Variants in MPPE1 observed in about 807,000 individuals in gnomAD.
MPPE1 encodes the protein metallo phosphoesterase.
Under a neutral mutation model 43.8 loss-of-function variants are expected in MPPE1, and 28 were observed. The observed-to-expected ratio is 0.64, with a 90% CI of 0.47 to 0.88. The LOEUF (loss-of-function observed/expected upper bound fraction) is 0.88, where lower values mean the gene tolerates loss of function less well. MPPE1 is among the 40% of genes least tolerant of loss of function. The pLI is 0.00. For synonymous variants in MPPE1, 159 were observed against 188.5 expected (o/e 0.84, Z 1.28); for missense variants, 428 against 492.2 (o/e 0.87, Z 1.23).
In MPPE1 at chr18:11,884,554, T is replaced by C. The variant is rs147275956; in HGVS notation, c.1082A>G (p.Tyr361Cys). ...CACAAGGAAGCCCACCACTCCACAGTAGATGATCAAAACCACATCCTCACG... is the reference window on the plus strand; with the variant it reads ...CACAAGGAAGCCCACCACTCCACAGCAGATGATCAAAACCACATCCTCACG... ...LPREDVVLII[Y>C]CGVVGFLVVL... Residue 361 changes from tyrosine (Y) to cysteine (C), a missense_variant, in exon 11 of 11, where the codon TAC becomes TGC. By Grantham distance (194) the Tyr-to-Cys change is radical. Around this residue, in one of 3 missense-constraint regions of MPPE1, gnomAD observed 379 missense variants for 402.5 expected, o/e 0.94. Transcript: ENST00000588072. The C allele has an allele frequency of 3.7e-6, 6 of 1,614,010 alleles. No homozygotes were observed. The highest frequency in any genetic ancestry group is 2.2e-5 in the East Asian group (1 of 44,880).
rs114211321 is a variant in MPPE1, at chr18:11,894,984, A to G, written c.282-1408T>C. ...GTAAAGCATGGCACAGGCACACAGCAGGTGCTCAAAAATGTCAGTGTTTGC... is the reference window on the plus strand; with the variant it reads ...GTAAAGCATGGCACAGGCACACAGCGGGTGCTCAAAAATGTCAGTGTTTGC... On this transcript the variant is annotated intron_variant, in intron 3 of 10. Coordinates refer to ENST00000588072, the MANE Select transcript of MPPE1 (RefSeq NM_023075.6). Among the ~76,000 whole-genome samples the G allele has an allele frequency of 3.5e-3, 539 of 152,348 alleles. 3 individuals are homozygous for G. Among genetic ancestry groups the G allele is most frequent in the African/African-American group, 0.012 (503 of 41,572 alleles).
intron 2 of MPPE1, among the ~76,000 whole-genome samples, chr18:11,897,906 T>C (rs1034763286): frequency 3.3e-5 from 5 of 152,198 alleles, no homozygotes; most frequent in Non-Finnish European, 5.9e-5. Context: ...GGCCAGGATC[T>C]GACAGTGAAA....
intron 2 of MPPE1, chr18:11,905,122 C>G (rs1412701035): frequency 6.6e-6 from 1 of 152,234 alleles, no homozygotes; most frequent in Non-Finnish European, 1.5e-5. Context: ...TCCTGGCCAA[C>G]ATGGCAAAAC....
intron 3 of MPPE1, among the ~76,000 whole-genome samples, chr18:11,893,849 C>A (rs1043374164): frequency 3.9e-5 from 6 of 152,138 alleles, no homozygotes; most frequent in African/African-American, 1.4e-4. Context: ...ACCCTGCAGC[C>A]ATCACTCGGT....
Position 11,888,996 on chromosome 18 carries a change from TG to T in MPPE1, c.495-254del, listed in dbSNP as rs142341103. Reference sequence around the variant, plus strand: ...TACCGTAGGTAAAACAACAGGACCATGGTAAAGATTAATGTGTTAATATATG... The same window carrying T: ...TACCGTAGGTAAAACAACAGGACCATGTAAAGATTAATGTGTTAATATATG... On this transcript the variant is annotated intron_variant, in intron 5 of 10. Transcript: ENST00000588072. Among the ~76,000 whole-genome samples the T allele has an allele frequency of 2.0e-4, 30 of 152,254 alleles. No individual in the cohort carries two copies. In the East Asian group the frequency reaches 5.6e-3, roughly 28 times the overall value.
intron 2 of MPPE1, among the ~76,000 whole-genome samples, chr18:11,900,894 A>C (rs981132597): frequency 2.0e-5 from 3 of 147,976 alleles, no homozygotes; most frequent in Non-Finnish European, 3.0e-5. Context: ...GCGACAGAGC[A>C]AGACTCCGTC....
intron 2 of MPPE1, among the ~76,000 whole-genome samples, chr18:11,901,732 G>C (rs998027153): frequency 1.3e-5 from 2 of 152,036 alleles, no homozygotes; most frequent in African/African-American, 2.4e-5. Context: ...CCAGCTACTA[G>C]GGAGGCTGAG....
chr18:11,885,397 A>G (rs998276372), intron 10 of MPPE1: 19 of 427,946 alleles, frequency 4.4e-5, no homozygotes, highest in Non-Finnish European at 7.1e-5. Context: ...AAACACACAC[A>G]GAGTGTAAGA....
intron 4 of MPPE1, among the ~76,000 whole-genome samples, chr18:11,892,723 C>T (rs757926077): frequency 8.6e-5 from 13 of 151,682 alleles, no homozygotes; most frequent in South Asian, 2.1e-4. Context: ...GCTGGTACTA[C>T]GGGCATGTGA....
intron 2 of MPPE1, among the ~76,000 whole-genome samples, chr18:11,899,810 T>C (rs564094542): frequency 6.6e-6 from 1 of 152,290 alleles, no homozygotes; most frequent in South Asian, 2.1e-4. Flanking sequence ...GAACTTCATG[T>C]CACACGTAGG....
At chr18:11,889,573 G>C in intron 4 of MPPE1, 83 bp from the exon 5 acceptor site, 1 of 1,087,102 alleles carries the variant, frequency 9.2e-7, no homozygotes, top group Non-Finnish European at 1.3e-6. Context: ...ATTTTGTTTT[G>C]CTTTTTTTTG....
chr18:11,901,582 C>T (rs1475072506), intron 2 of MPPE1, among the ~76,000 whole-genome samples: 2 of 151,580 alleles, frequency 1.3e-5, no homozygotes, highest in Non-Finnish European at 2.9e-5. Context: ...GGCTCACAGC[C>T]GTAATCCCAG....
chr18:11,885,128 T>C lies in MPPE1; in HGVS notation c.1009-501A>G. The stretch of plus-strand genomic sequence containing the variant: ...GGAACAACAGTGGCAAATGTTTTCA[T>C]TTACTTTGAATTTGAAAATGTTAGG... On this transcript the variant is annotated intron_variant, in intron 10 of 10. Coordinates refer to ENST00000588072, the MANE Select transcript of MPPE1 (RefSeq NM_023075.6). The C allele has an allele frequency of 4.7e-6, 5 of 1,053,490 alleles. 1 individual carries two copies. The South Asian group carries it at 6.2e-5, about 13-fold the overall frequency. 65.3% of individuals were successfully genotyped at this position (1,053,490 alleles called of 1,614,324 possible).
intron 2 of MPPE1, among the ~76,000 whole-genome samples, chr18:11,903,533 A>G (rs184646847): frequency 0.013 from 1,918 of 152,206 alleles, 22 homozygotes; most frequent in Non-Finnish European, 0.02. Flanking sequence ...TTGGCTGGGC[A>G]CGGTGGCTCA....
chr18:11,888,559 C>T (rs1372857439), intron 6 of MPPE1, 110 bp downstream of exon 6: 1 of 664,062 alleles, frequency 1.5e-6, no homozygotes, highest in East Asian at 3.0e-5. Context: ...GATCATAAAC[C>T]AGGCTAAACA....
In MPPE1 at chr18:11,893,177, G is replaced by A. The variant is rs1011448217; in HGVS notation, c.390+291C>T. 2.2e-5 allele frequency: 7 copies of A among 324,378 alleles called. No individual in the cohort carries two copies. The South Asian group carries it at 4.7e-4, about 22-fold the overall frequency. 20.1% of individuals were successfully genotyped at this position (324,378 alleles called of 1,614,324 possible). On this transcript the variant is annotated intron_variant, in intron 4 of 10. Transcript: ENST00000588072. ...TGCCCGTTTCTCCCTTTCCCAAGAG[G>A]TTCACAAAACAGTGTATTCCAACTA...
At position 11,889,441 on chromosome 18, in the gene MPPE1, C is replaced by T; in HGVS notation, c.440G>A (p.Ser147Asn). The T allele has an allele frequency of 1.9e-6, 3 of 1,613,488 alleles. No individual in the cohort carries two copies. Among genetic ancestry groups the T allele is most frequent in the Non-Finnish European group, 2.5e-6 (3 of 1,179,754 alleles). The change falls in exon 5 of 11, where the codon AGT (serine) becomes AAT (asparagine). Residue 147 changes from serine (S) to asparagine (N), a missense_variant. Physicochemically the swap from Ser to Asn is conservative, Grantham distance 46 (BLOSUM62 1). Coordinates refer to ENST00000588072, the MANE Select transcript of MPPE1 (RefSeq NM_023075.6). ...ERFQKMFRHP[S>N]HVQLKVVAGN... is the part of the protein sequence containing the mutation. ...AGCAACTACCTTCAGCTGTACATGA[C>T]TTGGGTGTCTGAACATTTTCTGAAA... is the stretch of plus-strand genomic sequence containing the variant.
intron 4 of MPPE1, among the ~76,000 whole-genome samples, chr18:11,890,034 C>T (rs1479955239): frequency 4.0e-5 from 6 of 151,762 alleles, no homozygotes; most frequent in East Asian, 1.9e-4. Flanking sequence ...GCTCTGCCTC[C>T]GGGGTTCACG....
In MPPE1 at chr18:11,884,447, A is replaced by C. The variant is rs2036869672; in HGVS notation, c.1189T>G (p.Ter397GlyextTer26). 6.2e-7 allele frequency: 1 copy of C among 1,613,182 alleles called. No homozygotes were observed. Among genetic ancestry groups the C allele is most frequent in the Non-Finnish European group, 8.5e-7 (1 of 1,179,472 alleles). The change falls in exon 11 of 11, where the codon TGA becomes GGA. Residue 397 changes from the stop codon to glycine (G), a stop_lost. Coordinates refer to ENST00000588072, the MANE Select transcript of MPPE1 (RefSeq NM_023075.6). ...LNLLGKRKTR* is the reference protein window; with the variant it reads ...LNLLGKRKTRG The stretch of plus-strand genomic sequence containing the variant: ...ATATTTATAATGGCGCCTGCTCTTC[A>C]TCTTGTCTTACGCTTTCCGAGCAAG...
Sources: gnomAD v4.1 joint callset for allele counts (sites outside exome capture counted in the v4.1 genomes callset) on GRCh38, gnomAD v4.1.1 for gene constraint, gnomAD v4.1.1 regional missense constraint, MANE v1.5 for transcripts, NCBI Gene and HGNC (gene_info 2026-07-23, HGNC 2026-07-21) for gene names.